The following PTPRD variants were observed in gnomAD, a reference collection of about 807,000 sequenced individuals.
PTPRD encodes receptor-type tyrosine-protein phosphatase delta.
PTPRD carries 34 observed loss-of-function variants against 214.5 expected under a neutral mutation model. The ratio of observed to expected loss-of-function variants is 0.16; its 90% CI spans 0.12 to 0.21. The LOEUF (loss-of-function observed/expected upper bound fraction) is 0.21. PTPRD is among the 10% of genes least tolerant of loss of function. PTPRD has a pLI of 1.00. For synonymous variants in PTPRD, 1,128 were observed against 845.7 expected (o/e 1.33, Z -5.79); for missense variants, 2,545 against 2,398.7 (o/e 1.06, Z -1.27).
chr9:9,518,699 G>A (rs115324305), intron 8 of PTPRD, among the ~76,000 whole-genome samples: 1,848 of 152,118 alleles, frequency 0.012, 38 homozygotes, highest in African/African-American at 0.042. Context: ...ACAGAATTGT[G>A]TGAAAGAGTT....
chr9:9,004,667 TAAAG>T (rs1172629408), intron 11 of PTPRD, among the ~76,000 whole-genome samples: 2 of 151,964 alleles, frequency 1.3e-5, no homozygotes, highest in Non-Finnish European at 1.5e-5. Context: ...ACCCTGCAAA[TAAAG>T]AGAATGAGGG....
chr9:10,051,517 G>A (rs2097534524), intron 3 of PTPRD, among the ~76,000 whole-genome samples: 1 of 151,794 alleles, frequency 6.6e-6, no homozygotes, highest in South Asian at 2.1e-4. Flanking sequence ...TGTTACATAT[G>A]TATACGTGTG....
intron 9 of PTPRD, among the ~76,000 whole-genome samples, chr9:9,396,980 A>G (rs563422584): frequency 6.6e-6 from 1 of 152,168 alleles, no homozygotes; most frequent in East Asian, 1.9e-4. Flanking sequence ...TTAGTTTCCA[A>G]TGAATAATCA....
chr9:9,033,282 G>A (rs777460702), intron 10 of PTPRD, among the ~76,000 whole-genome samples: 5 of 152,100 alleles, frequency 3.3e-5, no homozygotes, highest in Non-Finnish European at 7.4e-5. Context: ...GAAGGCTTTG[G>A]AAAATATATG....
At chr9:8,676,657 A>G (rs1379426701) in intron 12 of PTPRD, among the ~76,000 whole-genome samples, 1 of 151,490 alleles carries the variant, frequency 6.6e-6, no homozygotes, top group Non-Finnish European at 1.5e-5. Context: ...CACCGCCACC[A>G]CTGCCTCCTG....
intron 39 of PTPRD, among the ~76,000 whole-genome samples, chr9:8,352,083 A>T (rs1588406897): frequency 6.8e-6 from 1 of 147,332 alleles, no homozygotes; most frequent in African/African-American, 2.5e-5. Context: ...GCCTAATCTG[A>T]TTTTTTTTTT....
chr9:10,405,761 C>T (rs553585426), intron 2 of PTPRD, among the ~76,000 whole-genome samples: 14 of 151,480 alleles, frequency 9.2e-5, no homozygotes, highest in Admixed American at 8.6e-4. Context: ...TATTAACTAA[C>T]TTAACAATAA....
intron 11 of PTPRD, among the ~76,000 whole-genome samples, chr9:8,842,272 G>A (rs2097573590): frequency 1.3e-5 from 2 of 152,164 alleles, no homozygotes. Flanking sequence ...GAGAGACCAG[G>A]TAGGAGAAAG....
At chr9:10,354,491 T>C (rs1398276659) in intron 2 of PTPRD, among the ~76,000 whole-genome samples, 1 of 152,206 alleles carries the variant, frequency 6.6e-6, no homozygotes, top group Non-Finnish European at 1.5e-5. Context: ...TTAATAAATG[T>C]GCACAAGACA....
Position 8,378,424 on chromosome 9 carries a change from G to GA in PTPRD, c.4387-1699dup, listed in dbSNP as rs546137821. Among the ~76,000 whole-genome samples the GA allele has an allele frequency of 1.3e-4, 18 of 137,844 alleles. No individual in the cohort carries two copies. The East Asian group carries it at 2.3e-3, about 18-fold the overall frequency. 90.4% of individuals were successfully genotyped at this position (137,844 alleles called of 152,430 possible). ...ACTTCAGCAGTCATGATATAGATGA[G>GA]AAAAAAAAAATTAACAAAAATTATG... On this transcript the variant is annotated intron_variant, in intron 37 of 45. Coordinates refer to ENST00000381196, the MANE Select transcript of PTPRD (RefSeq NM_002839.4).
At chr9:8,879,433 T>C (rs146160099) in intron 11 of PTPRD, among the ~76,000 whole-genome samples, 217 of 152,252 alleles carry the variant, frequency 1.4e-3, no homozygotes, top group African/African-American at 5.0e-3. Context: ...AAATGTCCAC[T>C]GAGCTTGGTA....
chr9:10,001,164 C>A (rs1164822085), intron 4 of PTPRD, among the ~76,000 whole-genome samples: 1 of 151,958 alleles, frequency 6.6e-6, no homozygotes, highest in African/African-American at 2.4e-5. Context: ...GGCGTGAGAC[C>A]AATGACCCTG....
At chr9:9,896,977 G>T (rs72692720) in intron 5 of PTPRD, among the ~76,000 whole-genome samples, 2,286 of 152,026 alleles carry the variant, frequency 0.015, 25 homozygotes, top group Middle Eastern at 0.024. Flanking sequence ...ATAATCTCTG[G>T]ACTTGCAGAG....
intron 2 of PTPRD, among the ~76,000 whole-genome samples, chr9:10,510,918 CT>C (rs1323371848): frequency 2.6e-5 from 4 of 152,226 alleles, no homozygotes; most frequent in African/African-American, 7.2e-5. Context: ...GAGATGAATA[CT>C]TTTAGTTCCC....
At chr9:9,374,388 G>A (rs1596581203) in intron 9 of PTPRD, among the ~76,000 whole-genome samples, 1 of 152,124 alleles carries the variant, frequency 6.6e-6, no homozygotes, top group Non-Finnish European at 1.5e-5. Context: ...TATTTAAGGT[G>A]CTATAGAATT....
At chr9:9,161,933 T>C (rs1330273814) in intron 10 of PTPRD, among the ~76,000 whole-genome samples, 1 of 152,014 alleles carries the variant, frequency 6.6e-6, no homozygotes, top group Non-Finnish European at 1.5e-5. Flanking sequence ...CACATTAATA[T>C]ATAGTACAGC....
intron 11 of PTPRD, among the ~76,000 whole-genome samples, chr9:8,817,725 A>G (rs2096951066): frequency 6.6e-6 from 1 of 152,370 alleles, no homozygotes; most frequent in Middle Eastern, 3.4e-3. Flanking sequence ...CCTAATAAGC[A>G]TACTGATTAT....
At chr9:9,943,210 T>C (rs1460463225) in intron 4 of PTPRD, among the ~76,000 whole-genome samples, 5 of 152,174 alleles carry the variant, frequency 3.3e-5, no homozygotes, top group Non-Finnish European at 5.9e-5. Flanking sequence ...GATATCCTAA[T>C]AGGCAGGATT....
intron 2 of PTPRD, among the ~76,000 whole-genome samples, chr9:10,510,875 T>C (rs1243806657): frequency 6.6e-6 from 1 of 152,156 alleles, no homozygotes; most frequent in Non-Finnish European, 1.5e-5. Flanking sequence ...CTTCCCAGCC[T>C]CTGGTAATCA....
Sources: allele counts gnomAD v4.1 joint callset (sites outside exome capture counted in the v4.1 genomes callset), GRCh38; gene constraint gnomAD v4.1.1; transcripts MANE v1.5; gene names NCBI Gene and HGNC (gene_info 2026-07-23, HGNC 2026-07-21).